Variants in SLC1A2 observed in about 807,000 individuals in gnomAD.
SLC1A2 encodes solute carrier family 1 member 2.
SLC1A2 carries 15 observed loss-of-function variants against 48.8 expected under a neutral mutation model. That is an observed-to-expected ratio of 0.31 (90% confidence interval 0.21 to 0.47). The LOEUF (loss-of-function observed/expected upper bound fraction) is 0.47. Among genes scored for constraint, SLC1A2 ranks in the 20% least tolerant of loss-of-function variants. The pLI, the probability that SLC1A2 is intolerant of heterozygous loss-of-function variation, is 0.99. For synonymous variants in SLC1A2, 279 were observed against 272.6 expected, an observed-to-expected ratio of 1.02 and a Z score of -0.23; for missense variants, 502 against 730.5, an observed-to-expected ratio of 0.69 and a Z score of 3.61.
intron 1 of SLC1A2, among the ~76,000 whole-genome samples, chr11:35,378,699 A>G (rs1854320704): frequency 6.6e-6 from 1 of 152,176 alleles, no homozygotes; most frequent in Non-Finnish European, 1.5e-5. Flanking sequence ...TACTGCTCAC[A>G]AAAGCAACAA....
At chr11:35,295,294 C>A (rs182271923) in intron 6 of SLC1A2, among the ~76,000 whole-genome samples, 1 of 152,276 alleles carries the variant, frequency 6.6e-6, no homozygotes, top group East Asian at 1.9e-4. Flanking sequence ...AAGCAAACCT[C>A]CCACATCAGC....
intron 9 of SLC1A2, among the ~76,000 whole-genome samples, chr11:35,269,132 T>C (rs1202280379): frequency 1.3e-5 from 2 of 152,164 alleles, no homozygotes; most frequent in African/African-American, 4.8e-5. Context: ...AGAGGCCCAA[T>C]AGAGACTCCT....
intron 1 of SLC1A2, among the ~76,000 whole-genome samples, chr11:35,389,455 T>TCTCCTTCTC (rs1197111714): frequency 5.3e-5 from 8 of 151,248 alleles, no homozygotes; most frequent in African/African-American, 2.0e-4. Flanking sequence ...TCCTTCTCCT[T>TCTCCTTCTC]CTTCTTCTTC....
intron 1 of SLC1A2, among the ~76,000 whole-genome samples, chr11:35,335,794 C>T (rs1460272239): frequency 1.3e-5 from 2 of 152,078 alleles, no homozygotes; most frequent in East Asian, 1.9e-4. Context: ...GAAACCCTGT[C>T]TCTACCAAAA....
chr11:35,280,737 G>A (rs764044936), intron 9 of SLC1A2, 130 bp downstream of exon 9: 76 of 588,334 alleles, frequency 1.3e-4, no homozygotes, highest in Middle Eastern at 9.6e-4. Context: ...AATGTGAGCG[G>A]GAAGGAGGAA....
chr11:35,268,988 G>A (rs188049992), intron 9 of SLC1A2, among the ~76,000 whole-genome samples: 13 of 152,274 alleles, frequency 8.5e-5, no homozygotes, highest in Middle Eastern at 3.4e-3. Flanking sequence ...TGATCTGAAC[G>A]TTTGCATCCC....
chr11:35,344,382 G>A (rs541417073), intron 1 of SLC1A2, among the ~76,000 whole-genome samples: 1 of 152,314 alleles, frequency 6.6e-6, no homozygotes, highest in Admixed American at 6.5e-5. Flanking sequence ...AAAGTATTCT[G>A]AGAAGGAACA....
chr11:35,342,123 GGA>G (rs757537509), intron 1 of SLC1A2, among the ~76,000 whole-genome samples: 1 of 152,160 alleles, frequency 6.6e-6, no homozygotes, highest in Non-Finnish European at 1.5e-5. Context: ...GTGTGTAAAT[GGA>G]GATTCTTATA....
intron 1 of SLC1A2, chr11:35,374,241 C>T: frequency 1.3e-6 from 1 of 783,932 alleles, no homozygotes; most frequent in Non-Finnish European, 2.0e-6. Flanking sequence ...AGCTAAGACT[C>T]CAAGACACTC....
chr11:35,325,680 G>A (rs913461304), intron 1 of SLC1A2, among the ~76,000 whole-genome samples: 5 of 152,120 alleles, frequency 3.3e-5, no homozygotes, highest in Admixed American at 6.6e-5. Flanking sequence ...AAAAGCAGGC[G>A]GGCCAGGTGA....
chr11:35,292,616 C>T, intron 6 of SLC1A2, 96 bp from the exon 7 acceptor site: 1 of 669,802 alleles, frequency 1.5e-6, no homozygotes, highest in Non-Finnish European at 2.5e-6. Flanking sequence ...AAACGCTTGG[C>T]TCTTCTGTAC....
At chr11:35,268,694 C>G (rs1027415124) in intron 9 of SLC1A2, among the ~76,000 whole-genome samples, 1 of 151,116 alleles carries the variant, frequency 6.6e-6, no homozygotes, top group African/African-American at 2.4e-5. Context: ...GAAAAGAAAA[C>G]AAAGAATATA....
At chr11:35,293,952 A>G (rs1388892137) in intron 6 of SLC1A2, among the ~76,000 whole-genome samples, 1 of 152,154 alleles carries the variant, frequency 6.6e-6, no homozygotes, top group Admixed American at 6.5e-5. Flanking sequence ...GCTAACTCCA[A>G]CCTCATGGAG....
chr11:35,415,910 A>G (rs187506880), intron 1 of SLC1A2, among the ~76,000 whole-genome samples: 26 of 152,306 alleles, frequency 1.7e-4, no homozygotes, highest in African/African-American at 6.3e-4. Context: ...CCAGTCAGTA[A>G]TGGACACTAG....
chr11:35,314,458 T>G (rs2134882711), intron 3 of SLC1A2, among the ~76,000 whole-genome samples: 1 of 152,340 alleles, frequency 6.6e-6, no homozygotes, highest in East Asian at 1.9e-4. Flanking sequence ...CTCATGCCTG[T>G]AAACCCAGCA....
chr11:35,329,291 C>T (rs1028680357), intron 1 of SLC1A2, among the ~76,000 whole-genome samples: 3 of 152,148 alleles, frequency 2.0e-5, no homozygotes, highest in African/African-American at 7.2e-5. Context: ...ATGGTAAATA[C>T]ACATCATCAT....
chr11:35,271,988 A>G (rs918386448), intron 9 of SLC1A2, among the ~76,000 whole-genome samples: 8 of 152,236 alleles, frequency 5.3e-5, no homozygotes, highest in Admixed American at 2.6e-4. Context: ...CATTATGTAT[A>G]ATCAGCTTAT....
At chr11:35,366,588 T>C (rs1416959784) in intron 1 of SLC1A2, among the ~76,000 whole-genome samples, 1 of 152,212 alleles carries the variant, frequency 6.6e-6, no homozygotes, top group East Asian at 1.9e-4. Flanking sequence ...GTAGCTAGCT[T>C]GATAACACAT....
intron 1 of SLC1A2, among the ~76,000 whole-genome samples, chr11:35,350,621 C>T (rs1565266641): frequency 6.6e-6 from 1 of 152,330 alleles, no homozygotes; most frequent in African/African-American, 2.4e-5. Flanking sequence ...ATCTGGGGAT[C>T]CTTCCGTAAA....
Sources: gnomAD v4.1 joint callset for allele counts (sites outside exome capture counted in the v4.1 genomes callset) on GRCh38, gnomAD v4.1.1 for gene constraint, MANE v1.5 for transcripts, NCBI Gene and HGNC (gene_info 2026-07-23, HGNC 2026-07-21) for gene names.